The following PSME3 variants were observed in gnomAD, a reference collection of about 807,000 sequenced individuals.
The protein encoded by PSME3 is proteasome activator subunit 3, also known as proteasome activator complex subunit 3.
A neutral mutation model predicts 38.3 loss-of-function variants in PSME3; 7 were observed. The ratio of observed to expected loss-of-function variants is 0.18; its 90% CI spans 0.10 to 0.34. PSME3 has a LOEUF of 0.34. Ranked by LOEUF, PSME3 falls within the 10% of genes least tolerant of loss-of-function variation. The pLI is 1.00. For synonymous variants in PSME3, 108 were observed against 105.7 expected, an observed-to-expected ratio of 1.02 and a Z score of -0.13; for missense variants, 192 against 307.6, an observed-to-expected ratio of 0.62 and a Z score of 2.81.
chr17:42,833,424 C>CGGGAGGGCGAGCGAGAGAGCAAGCA lies in PSME3; in HGVS notation c.-205_-181dup. 1.6e-6 allele frequency: 1 copy of CGGGAGGGCGAGCGAGAGAGCAAGCA among 615,156 alleles called. No individual in the cohort carries two copies. The highest frequency in any genetic ancestry group is 2.9e-6 in the Non-Finnish European group (1 of 349,572). The allele number at this position is 615,156 out of a possible 1,614,324, so 38.1% of individuals were successfully genotyped here. A position where few individuals can be genotyped will look rare whatever the true frequency, so the allele number is the denominator to read the frequency against. On this transcript the variant is annotated 5_prime_UTR_variant, in exon 1 of 11. Transcript: ENST00000590720. Reference sequence around the variant, plus strand: ...AGTTTCCGGCGTGAGCGGCGAAAGCCGGGAGGGCGAGCGAGAGAGCAAGCA... The same window carrying CGGGAGGGCGAGCGAGAGAGCAAGCA: ...AGTTTCCGGCGTGAGCGGCGAAAGCCGGGAGGGCGAGCGAGAGAGCAAGCAGGGAGGGCGAGCGAGAGAGCAAGCA...
rs189726007 is a variant in PSME3 at position 42,833,488 on chromosome 17, G to A, written c.-144G>A. On this transcript the variant is annotated 5_prime_UTR_variant, in exon 1 of 11. Coordinates refer to ENST00000590720, the MANE Select transcript of PSME3 (RefSeq NM_005789.4). ...CGGCGGGCGGGCGGACGGCACAGAGGGAGGGAGCGAGCGAGCAGTGAGTAA... is the reference window on the plus strand; with the variant it reads ...CGGCGGGCGGGCGGACGGCACAGAGAGAGGGAGCGAGCGAGCAGTGAGTAA... 3.4e-5 allele frequency: 33 copies of A among 983,880 alleles called. No individual in the cohort carries two copies. In the East Asian group the frequency reaches 8.3e-4, roughly 25 times the overall value. The allele number at this position is 983,880 out of a possible 1,614,324, so 60.9% of individuals were successfully genotyped here.
intron 4 of PSME3, among the ~76,000 whole-genome samples, chr17:42,836,457 A>G (rs1268978822): frequency 6.6e-6 from 1 of 152,070 alleles, no homozygotes; most frequent in Non-Finnish European, 1.5e-5. Context: ...CCCTGCTTTG[A>G]TTGGTTCTTT....
chr17:42,842,305 C>A lies in PSME3; in HGVS notation c.*727C>A, dbSNP rs1342502075. 5.2e-5 allele frequency: 8 copies of A among 152,746 alleles called. No homozygotes were observed. Among genetic ancestry groups the A allele is most frequent in the Non-Finnish European group, 7.3e-5 (5 of 68,062 alleles). 9.5% of individuals were successfully genotyped at this position (152,746 alleles called of 1,614,324 possible). On this transcript the variant is annotated 3_prime_UTR_variant, in exon 11 of 11. Transcript: ENST00000590720. ...CCCTCTCCACAACCCCTGTCACATA[C>A]CTTTCAGGAGGTGACAGTTGTCTTA...
At chr17:42,834,437 G>GGAGAGAGAGAGAGA (rs59492997) in intron 2 of PSME3, 61 bp downstream of exon 2, 18 of 1,536,690 alleles carry the variant, frequency 1.2e-5, no homozygotes, top group African/African-American at 7.1e-5. Context: ...GGAGATACCT[G>GGAGAGAGAGAGAGA]GAGAGAGAGA....
chr17:42,838,334 G>A (rs1246050199), intron 6 of PSME3, 129 bp downstream of exon 6: 3 of 1,443,496 alleles, frequency 2.1e-6, no homozygotes, highest in South Asian at 1.5e-5. Context: ...TTGAGATGGG[G>A]TCTCGCTCCA....
At position 42,833,816 on chromosome 17, in the gene PSME3, G is replaced by A. The variant is rs749630262; in HGVS notation, c.42+143G>A. ...CGGCTCAGCCCAGCCCCCAACTCCC[G>A]GGGTCGGCTTCGCGGGAGAGGAAAA... is the stretch of plus-strand genomic sequence containing the variant. On this transcript the variant is annotated intron_variant, in intron 1 of 10. Transcript: ENST00000590720. The A allele has an allele frequency of 5.0e-5, 78 of 1,571,974 alleles. No homozygotes were observed. In the South Asian group the frequency reaches 8.8e-4, roughly 18 times the overall value.
chr17:42,837,664 C>G lies in PSME3; in HGVS notation c.259C>G (p.Arg87Gly). 1 of 1,614,026 alleles carries G rather than the reference C, an allele frequency of 6.2e-7. No individual in the cohort carries two copies. Among genetic ancestry groups the G allele is most frequent in the South Asian group, 1.1e-5 (1 of 91,072 alleles). Reference protein sequence around the residue: ...DGLDGPTYKKRRLDECEEAFQ... With the variant: ...DGLDGPTYKKGRLDECEEAFQ... The stretch of plus-strand genomic sequence containing the variant: ...GTATCCTTAGCCCACTTATAAGAAG[C>G]GAAGGTTGGATGAGTGTGAAGAAGC... Residue 87 changes from arginine to glycine, a missense_variant, in exon 5 of 11, where the codon CGA becomes GGA. By Grantham distance (125) the Arg-to-Gly change is moderately radical. This residue lies in a region of PSME3 where 110 missense variants were observed against 139.3 expected (regional missense o/e 0.79). Coordinates refer to ENST00000590720, the MANE Select transcript of PSME3 (RefSeq NM_005789.4).
Position 42,843,092 on chromosome 17 carries a change from T to C in PSME3, c.*1514T>C. The C allele has an allele frequency of 6.5e-6, 1 of 152,870 alleles. No homozygotes were observed. Among genetic ancestry groups the C allele is most frequent in the Non-Finnish European group, 1.5e-5 (1 of 68,044 alleles). The allele number at this position is 152,870 out of a possible 1,614,324, so 9.5% of individuals were successfully genotyped here. A position where few individuals can be genotyped will look rare whatever the true frequency, so the allele number is the denominator to read the frequency against. On this transcript the variant is annotated 3_prime_UTR_variant, in exon 11 of 11. Transcript: ENST00000590720. ...CCTTCCAGCTAAAACCCTTCCCCCT[T>C]CCCTCCATGTGTTTCTCAGTTTCCC... is the stretch of plus-strand genomic sequence containing the variant.
chr17:42,834,664 C>T lies in PSME3; in HGVS notation c.138+87C>T, dbSNP rs551683396. 6 of 1,599,226 alleles carry T rather than the reference C, an allele frequency of 3.8e-6. No individual in the cohort carries two copies. In the South Asian group the frequency reaches 5.6e-5, roughly 15 times the overall value. ...CTGGGATAAACTGTTGATTCTTCTT[C>T]TTTTTATTTTTTTAAACTGTAAAAG... On this transcript the variant is annotated intron_variant, in intron 3 of 10. Transcript: ENST00000590720.
intron 5 of PSME3, 57 bp from the exon 6 acceptor site, chr17:42,838,036 A>G: frequency 6.4e-7 from 1 of 1,571,118 alleles, no homozygotes; most frequent in Non-Finnish European, 8.8e-7. Context: ...AGAGAGAGGC[A>G]GGGGATGCTG....
In PSME3 at chr17:42,834,533, A is replaced by G. The variant is rs749182017; in HGVS notation, c.94A>G (p.Asn32Asp). ...ITSEAEDLVA[N>D]FFPKKLLELD... is the part of the protein sequence containing the mutation. ...TCCTTAGGCAGAAGACTTGGTGGCA[A>G]ATTTTTTCCCAAAGAAGTTATTAGA... Residue 32 changes from asparagine to aspartate, a missense_variant, in exon 3 of 11, where the codon AAT (asparagine) becomes GAT (aspartate). Physicochemically the swap from Asn to Asp is conservative, Grantham distance 23 (BLOSUM62 1). Around this residue, in one of 2 missense-constraint regions of PSME3, gnomAD observed 110 missense variants for 139.3 expected, o/e 0.79. Coordinates refer to ENST00000590720, the MANE Select transcript of PSME3 (RefSeq NM_005789.4). 5 of 1,613,620 alleles carry G rather than the reference A, an allele frequency of 3.1e-6. No individual in the cohort carries two copies. Among genetic ancestry groups the G allele is most frequent in the Non-Finnish European group, 4.2e-6 (5 of 1,179,852 alleles).
intron 6 of PSME3, 107 bp downstream of exon 6, chr17:42,838,312 TGA>T: frequency 6.7e-7 from 1 of 1,499,222 alleles, no homozygotes; most frequent in African/African-American, 1.4e-5. Flanking sequence ...TAGGTTTTTT[TGA>T]GTTTTTTTTT....
Position 42,841,649 on chromosome 17 carries a change from C to A in PSME3, c.*71C>A. On this transcript the variant is annotated 3_prime_UTR_variant, in exon 11 of 11. Transcript: ENST00000590720. ...GACATTGCCTTGGTTTGTTACATGACTATCGTGATGGGGAAACTGGCTGGA... is the reference window on the plus strand; with the variant it reads ...GACATTGCCTTGGTTTGTTACATGAATATCGTGATGGGGAAACTGGCTGGA... 2.8e-6 allele frequency: 3 copies of A among 1,064,218 alleles called. No individual in the cohort carries two copies. Among genetic ancestry groups the A allele is most frequent in the South Asian group, 1.6e-5 (1 of 63,496 alleles). 65.9% of individuals were successfully genotyped at this position (1,064,218 alleles called of 1,614,324 possible). A position where few individuals can be genotyped will look rare whatever the true frequency, so the allele number is the denominator to read the frequency against.
chr17:42,839,926 T>G (rs1284790963), intron 10 of PSME3, among the ~76,000 whole-genome samples: 6 of 145,922 alleles, frequency 4.1e-5, no homozygotes, highest in South Asian at 2.2e-4. Context: ...AACCCGGGAG[T>G]TGGAGGTTGC....
At chr17:42,835,134 C>A (rs1028385858) in intron 4 of PSME3, among the ~76,000 whole-genome samples, 3 of 151,770 alleles carry the variant, frequency 2.0e-5, no homozygotes, top group Admixed American at 6.6e-5. Flanking sequence ...ACCTCCCGAA[C>A]TCAAGCGATC....
Position 42,839,093 on chromosome 17 carries a change from C to T in PSME3, c.543-19C>T, listed in dbSNP as rs1458434836. 6.3e-7 allele frequency: 1 copy of T among 1,588,076 alleles called. No homozygotes were observed. Among genetic ancestry groups the T allele is most frequent in the African/African-American group, 1.3e-5 (1 of 74,270 alleles). On this transcript the variant is annotated intron_variant, in intron 8 of 10. Transcript: ENST00000590720. ...ATCAAGGGTCTCCTGCATCTTCCTC[C>T]TCTTCTCTCTCTTTCCAGATATTAT...
intron 4 of PSME3, 99 bp from the exon 5 acceptor site, chr17:42,837,550 T>G: frequency 8.3e-7 from 1 of 1,202,254 alleles, no homozygotes; most frequent in Non-Finnish European, 1.2e-6. Context: ...TAACATAAGC[T>G]ATGAGGCTGA....
Position 42,843,496 on chromosome 17 carries a change from C to T in PSME3, c.*1918C>T. The T allele has an allele frequency of 6.6e-6, 1 of 152,318 alleles. No individual in the cohort carries two copies. Among genetic ancestry groups the T allele is most frequent in the East Asian group, 1.9e-4 (1 of 5,336 alleles). The allele number at this position is 152,318 out of a possible 1,614,324, so 9.4% of individuals were successfully genotyped here. A position where few individuals can be genotyped will look rare whatever the true frequency, so the allele number is the denominator to read the frequency against. ...TCCCAGACCTAAGCTGCCTTCTCTC[C>T]CTACTTTCAGAAGATCCTAGTTCCT... On this transcript the variant is annotated 3_prime_UTR_variant, in exon 11 of 11. Coordinates refer to ENST00000590720, the MANE Select transcript of PSME3 (RefSeq NM_005789.4).
intron 4 of PSME3, among the ~76,000 whole-genome samples, chr17:42,835,552 T>G (rs55700396): frequency 6.6e-6 from 1 of 151,996 alleles, no homozygotes; most frequent in Non-Finnish European, 1.5e-5. Context: ...CGTGAAACCC[T>G]GTCTCTACTG....
Sources: allele counts gnomAD v4.1 joint callset (sites outside exome capture counted in the v4.1 genomes callset), GRCh38; gene constraint gnomAD v4.1.1; regional missense constraint gnomAD v4.1.1; transcripts MANE v1.5; gene names NCBI Gene and HGNC (gene_info 2026-07-23, HGNC 2026-07-21).